Variants in PPP1R16A observed in about 807,000 individuals in gnomAD.
PPP1R16A encodes the protein protein phosphatase 1 regulatory subunit 16A.
In PPP1R16A, 39 loss-of-function variants were observed where a neutral mutation model predicts 46.6. The observed-to-expected ratio is 0.84, with a 90% CI of 0.65 to 1.09. The LOEUF (loss-of-function observed/expected upper bound fraction) is 1.09. Among genes scored for constraint, PPP1R16A ranks in the 50% least tolerant of loss-of-function variants. The pLI is 0.00. For synonymous variants in PPP1R16A, 413 were observed against 321.5 expected (o/e 1.28, Z -3.04); for missense variants, 798 against 735.6 (o/e 1.08, Z -0.98).
chr8:144,482,090 C>CGCT (rs1251423260), intron 1 of PPP1R16A, among the ~76,000 whole-genome samples: 4 of 152,154 alleles, frequency 2.6e-5, no homozygotes, highest in African/African-American at 9.6e-5. Flanking sequence ...CCGCCGCCGC[C>CGCT]GCCGCCTTTT....
At chr8:144,497,668 C>T (rs1341831497) in intron 3 of PPP1R16A, 5 of 707,050 alleles carry the variant, frequency 7.1e-6, no homozygotes, top group Non-Finnish European at 1.3e-5. Flanking sequence ...CTGTGCGGGA[C>T]AGCCGTCCTT....
intron 1 of PPP1R16A, among the ~76,000 whole-genome samples, chr8:144,480,249 T>C (rs1825352297): frequency 6.6e-6 from 1 of 152,194 alleles, no homozygotes; most frequent in African/African-American, 2.4e-5. Flanking sequence ...AGACCAGGGG[T>C]TGGCCAGCTT....
intron 1 of PPP1R16A, among the ~76,000 whole-genome samples, chr8:144,484,615 T>C (rs902992566): frequency 8.5e-5 from 13 of 152,232 alleles, no homozygotes; most frequent in African/African-American, 2.9e-4. Context: ...TCGATTTATT[T>C]TGAAGCCAGG....
chr8:144,497,719 A>G, intron 3 of PPP1R16A: 1 of 598,918 alleles, frequency 1.7e-6, no homozygotes, highest in South Asian at 1.7e-5. Context: ...CTGTGAGGTG[A>G]GCTGAGGCCA....
chr8:144,487,948 G>A (rs996165554), intron 1 of PPP1R16A, among the ~76,000 whole-genome samples: 2 of 152,194 alleles, frequency 1.3e-5, no homozygotes, highest in African/African-American at 4.8e-5. Context: ...TCAGTTCTGG[G>A]TTTTGCAACA....
rs1185313708 is a variant in PPP1R16A, at chr8:144,478,015, A to G, written c.-1026A>G. 1.3e-5 allele frequency: 5 copies of G among 393,302 alleles called. No individual in the cohort carries two copies. Among genetic ancestry groups the G allele is most frequent in the Middle Eastern group, 6.3e-4 (1 of 1,594 alleles). The allele number at this position is 393,302 out of a possible 1,614,324, so 24.4% of individuals were successfully genotyped here. On this transcript the variant is annotated 5_prime_UTR_variant, in exon 1 of 12. It removes an upstream start codon present in the reference 5' UTR. Transcript: ENST00000435887. ...CGCGGGCCGGAAGTGTAGCGTTGCC[A>G]TGGCGAGGGCCGGGTGCGGGGCCCG...
chr8:144,500,379 C>G lies in PPP1R16A; in HGVS notation c.693C>G (p.His231Gln). 6 of 1,527,304 alleles carry G rather than the reference C, an allele frequency of 3.9e-6. No individual in the cohort carries two copies. Among genetic ancestry groups the G allele is most frequent in the Non-Finnish European group, 5.3e-6 (6 of 1,142,464 alleles). 94.6% of individuals were successfully genotyped at this position (1,527,304 alleles called of 1,614,324 possible). Residue 231 changes from histidine (H) to glutamine (Q), a missense_variant, in exon 7 of 12, where the codon CAC (histidine) becomes CAG (glutamine). By Grantham distance (24) the His-to-Gln change is conservative. Transcript: ENST00000435887. ...AGADLHAPLD[H>Q]GATLLHVAAA... Reference sequence around the variant, plus strand: ...CAGACCTCCATGCCCCCCTGGACCACGGGGCCACGCTGGTGAGGGCTGGGG... The same window carrying G: ...CAGACCTCCATGCCCCCCTGGACCAGGGGGCCACGCTGGTGAGGGCTGGGG...
chr8:144,490,351 AC>A (rs1209748830), intron 2 of PPP1R16A, 139 bp downstream of exon 2: 1 of 152,246 alleles, frequency 6.6e-6, no homozygotes, highest in Non-Finnish European at 1.5e-5. Context: ...TACTAAAGAT[AC>A]AAAAATTAGC....
chr8:144,487,462 C>G (rs1825661737), intron 1 of PPP1R16A, among the ~76,000 whole-genome samples: 1 of 152,012 alleles, frequency 6.6e-6, no homozygotes, highest in Non-Finnish European at 1.5e-5. Flanking sequence ...CTCTGCCTCC[C>G]AGGCTCAAGT....
chr8:144,497,587 C>T (rs1412877858), intron 3 of PPP1R16A, 134 bp downstream of exon 3: 7 of 1,321,962 alleles, frequency 5.3e-6, no homozygotes, highest in Non-Finnish European at 7.4e-6. Context: ...CTTGCCTGGT[C>T]TCTTCAGGCT....
At chr8:144,498,533 G>C in intron 3 of PPP1R16A, 1 of 527,120 alleles carries the variant, frequency 1.9e-6, no homozygotes, top group East Asian at 3.0e-5. Flanking sequence ...GGGTCGGAGG[G>C]CTGGAGCACC....
intron 2 of PPP1R16A, among the ~76,000 whole-genome samples, chr8:144,491,559 C>G (rs554894188): frequency 1.3e-5 from 2 of 152,136 alleles, no homozygotes; most frequent in African/African-American, 2.4e-5. Flanking sequence ...GTCAGGAGAT[C>G]GAGACTATCC....
chr8:144,492,725 C>T (rs1178978992), intron 2 of PPP1R16A, among the ~76,000 whole-genome samples: 3 of 152,148 alleles, frequency 2.0e-5, no homozygotes, highest in Admixed American at 6.5e-5. Flanking sequence ...CCCGGCCTTT[C>T]GCTCCGCCTG....
At chr8:144,482,573 A>T (rs1190891639) in intron 1 of PPP1R16A, among the ~76,000 whole-genome samples, 1 of 134,636 alleles carries the variant, frequency 7.4e-6, no homozygotes, top group Non-Finnish European at 1.6e-5. Flanking sequence ...CCCTGCCTCA[A>T]CCTCCCGGGT....
chr8:144,501,372 C>G (rs1489401195), intron 11 of PPP1R16A, 78 bp downstream of exon 11: 2 of 1,500,134 alleles, frequency 1.3e-6, no homozygotes, highest in East Asian at 2.5e-5. Context: ...CTTGGACCCC[C>G]TCCTGCCTGT....
At chr8:144,488,196 G>A (rs1415223442) in intron 1 of PPP1R16A, among the ~76,000 whole-genome samples, 1 of 152,094 alleles carries the variant, frequency 6.6e-6, no homozygotes, top group Admixed American at 6.5e-5. Context: ...GCTTTGGGAG[G>A]GCAGGAGAGA....
intron 3 of PPP1R16A, 26 bp from the exon 4 acceptor site, chr8:144,498,744 G>C: frequency 6.4e-7 from 1 of 1,559,354 alleles, no homozygotes; most frequent in Non-Finnish European, 8.7e-7. Flanking sequence ...GCAGGACCCT[G>C]TCCTCACCTC....
At chr8:144,492,562 C>T (rs1160402186) in intron 2 of PPP1R16A, among the ~76,000 whole-genome samples, 1 of 152,052 alleles carries the variant, frequency 6.6e-6, no homozygotes, top group Non-Finnish European at 1.5e-5. Context: ...GTCTCGATCT[C>T]CTGACCTCGT....
intron 3 of PPP1R16A, chr8:144,498,114 G>A (rs1024673990): frequency 2.2e-6 from 1 of 455,748 alleles, no homozygotes; most frequent in Non-Finnish European, 4.4e-6. Flanking sequence ...GGAGCCGGCA[G>A]TGTCTGGCCT....
Sources: allele counts gnomAD v4.1 joint callset (sites outside exome capture counted in the v4.1 genomes callset), GRCh38; gene constraint gnomAD v4.1.1; transcripts MANE v1.5; gene names NCBI Gene and HGNC (gene_info 2026-07-23, HGNC 2026-07-21).